HAPLN4: variants seen among roughly 807,000 people sequenced by gnomAD.
HAPLN4 encodes the protein hyaluronan and proteoglycan link protein 4.
In HAPLN4, 19 loss-of-function variants were observed where a neutral mutation model predicts 28.0. That is an observed-to-expected ratio of 0.68 (90% CI 0.47 to 1.00). The LOEUF is 1.00. Ranked by LOEUF, HAPLN4 falls within the 50% of genes least tolerant of loss-of-function variation. The pLI, the probability that HAPLN4 is intolerant of heterozygous loss-of-function variation, is 0.00. For synonymous variants in HAPLN4, 274 were observed against 273.0 expected (o/e 1.00, Z -0.03); for missense variants, 587 against 602.6 (o/e 0.97, Z 0.27).
Position 19,257,859 on chromosome 19 carries a change from CCCTGCCCAGCCGCCGCCG to C in HAPLN4, c.1149_1166del (p.Gly385_Gly390del). 1.4e-6 allele frequency: 2 copies of C among 1,432,492 alleles called. No homozygotes were observed. Among genetic ancestry groups the C allele is most frequent in the East Asian group, 2.7e-5 (1 of 36,368 alleles). The allele number at this position is 1,432,492 out of a possible 1,614,324, so 88.7% of individuals were successfully genotyped here. ...TCCAGGCAGCAGGATCGCGCGCGCC[CCCTGCCCAGCCGCCGCCG>C]CCCGCCCAGCCCCAGCCCCAGCCGC... On this transcript the variant is annotated inframe_deletion, in exon 5 of 5. Transcript: ENST00000291481.
rs1346910459 is a variant in HAPLN4, at chr19:19,258,432, T to C, written c.817+91A>G. 1.5e-6 allele frequency: 2 copies of C among 1,359,502 alleles called. No individual in the cohort carries two copies. The highest frequency in any genetic ancestry group is 1.9e-5 in the Admixed American group (1 of 52,852). The allele number at this position is 1,359,502 out of a possible 1,614,324, so 84.2% of individuals were successfully genotyped here. ...GCACTCTTGGGAGAGGGGTCTCCTG[T>C]TTCTGATCGCTAAGAGCTGGGTGGG... On this transcript the variant is annotated intron_variant, in intron 4 of 4. Coordinates refer to ENST00000291481, the MANE Select transcript of HAPLN4 (RefSeq NM_023002.3). The surrounding 1 kb of genome is among the most constrained non-coding windows in gnomAD (Gnocchi z 6.2).
In HAPLN4 at chr19:19,258,862, G is replaced by T. The variant is rs1485406759; in HGVS notation, c.485-7C>A. 1.3e-6 allele frequency: 2 copies of T among 1,527,900 alleles called. No individual in the cohort carries two copies. The highest frequency in any genetic ancestry group is 1.8e-6 in the Non-Finnish European group (2 of 1,136,690). 94.6% of individuals were successfully genotyped at this position (1,527,900 alleles called of 1,614,324 possible). On this transcript the variant is annotated splice_region_variant and splice_polypyrimidine_tract_variant and intron_variant, in intron 3 of 4. Coordinates refer to ENST00000291481, the MANE Select transcript of HAPLN4 (RefSeq NM_023002.3). The surrounding 1 kb of genome is among the most constrained non-coding windows in gnomAD (Gnocchi z 6.2). ...TGGTAGGGAAAGACCACGCCTGGCG[G>T]GGGGCGCACGGGATCAGCAGGTACA... is the stretch of plus-strand genomic sequence containing the variant.
At chr19:19,261,804 T>C (rs1568609596) in intron 1 of HAPLN4, 1 of 399,506 alleles carries the variant, frequency 2.5e-6, no homozygotes, top group South Asian at 4.7e-5. Context: ...CCCGCCTCAT[T>C]CCCCCCCACC....
In HAPLN4 at chr19:19,257,978, C is replaced by G. The variant is rs781390304; in HGVS notation, c.1048G>C (p.Gly350Arg). 246 of 1,513,534 alleles carry G rather than the reference C, an allele frequency of 1.6e-4. No individual in the cohort carries two copies. Among genetic ancestry groups the G allele is most frequent in the Non-Finnish European group, 1.7e-4 (194 of 1,138,252 alleles). The allele number at this position is 1,513,534 out of a possible 1,614,324, so 93.8% of individuals were successfully genotyped here. Residue 350 changes from glycine (G) to arginine (R), a missense_variant, in exon 5 of 5, where the codon GGC (glycine) becomes CGC (arginine). Physicochemically the swap from Gly to Arg is moderately radical, Grantham distance 125. Coordinates refer to ENST00000291481, the MANE Select transcript of HAPLN4 (RefSeq NM_023002.3). ...GGRRPGVRSL[G>R]FPDATRRLFG... Reference sequence around the variant, plus strand: ...AGCCGTCGGGTGGCGTCCGGGAAGCCGAGGCTGCGCACACCAGGCCTGCGG... The same window carrying G: ...AGCCGTCGGGTGGCGTCCGGGAAGCGGAGGCTGCGCACACCAGGCCTGCGG...
In HAPLN4 at chr19:19,254,791, C is replaced by G. The variant is rs977931992; in HGVS notation, c.*3026G>C. ...TTATTTTTATTTTTTGAGACAGGGT[C>G]TCACTCCGTCGCCCAAGCTGGAGTG... On this transcript the variant is annotated 3_prime_UTR_variant, in exon 5 of 5. Coordinates refer to ENST00000291481, the MANE Select transcript of HAPLN4 (RefSeq NM_023002.3). The G allele has an allele frequency of 2.6e-5, 4 of 152,382 alleles. No homozygotes were observed. Among genetic ancestry groups the G allele is most frequent in the Admixed American group, 1.3e-4 (2 of 15,288 alleles). The allele number at this position is 152,382 out of a possible 1,614,324, so 9.4% of individuals were successfully genotyped here.
In HAPLN4 at chr19:19,256,028, G is replaced by C. The variant is rs1193618629; in HGVS notation, c.*1789C>G. ...AGCACAGATCGCCGCTTAGAGCCTG[G>C]TGGGTGTTGAATTTTAAAGAACATT... On this transcript the variant is annotated 3_prime_UTR_variant, in exon 5 of 5. Transcript: ENST00000291481. The C allele has an allele frequency of 6.6e-6, 1 of 152,214 alleles. No homozygotes were observed. The highest frequency in any genetic ancestry group is 2.4e-5 in the African/African-American group (1 of 41,430). 9.4% of individuals were successfully genotyped at this position (152,214 alleles called of 1,614,324 possible).
At chr19:19,260,589 A>G (rs1359924450) in intron 3 of HAPLN4, among the ~76,000 whole-genome samples, 1 of 152,160 alleles carries the variant, frequency 6.6e-6, no homozygotes, top group African/African-American at 2.4e-5. Flanking sequence ...TCTACCCACT[A>G]GGGGCTAGTA....
In HAPLN4 at chr19:19,260,902, T is replaced by C. The variant is rs750021425; in HGVS notation, c.395A>G (p.Asn132Ser). 2.5e-6 allele frequency: 4 copies of C among 1,614,106 alleles called. No homozygotes were observed. The highest frequency in any genetic ancestry group is 3.4e-6 in the Non-Finnish European group (4 of 1,180,016). ...GCGCCCGTAGTCTTGCAGCGTGACG[T>C]TGCGGAGGACCAGGGAGGCATCCCC... ...GPGDASLVLR[N>S]VTLQDYGRYE... Residue 132 changes from asparagine to serine, a missense_variant, in exon 3 of 5, where the codon AAC becomes AGC. By Grantham distance (46) the Asn-to-Ser change is conservative. Transcript: ENST00000291481.
chr19:19,260,955 C>T lies in HAPLN4; in HGVS notation c.342G>A (p.Gly114=), dbSNP rs181498033. 2 of 1,613,826 alleles carry T rather than the reference C, an allele frequency of 1.2e-6. No homozygotes were observed. The highest frequency in any genetic ancestry group is 1.7e-5 in the Admixed American group (1 of 60,022). Reference sequence around the variant, plus strand: ...GCCCGTCGCCCTGCAGCTCAGCCCGCCCACGGTAGCTGCCGAATGCCCGGT... The same window carrying T: ...GCCCGTCGCCCTGCAGCTCAGCCCGTCCACGGTAGCTGCCGAATGCCCGGT... ...PQHRAFGSYR[G]RAELQGDGPG... is the part of the protein sequence containing the mutation. Residue 114 remains glycine (G), a synonymous_variant, in exon 3 of 5, where the codon GGG becomes GGA. Transcript: ENST00000291481.
Position 19,257,990 on chromosome 19 carries a change from C to G in HAPLN4, c.1036G>C (p.Val346Leu), listed in dbSNP as rs769898825. ...RARCGGRRPG[V>L]RSLGFPDATR... The stretch of plus-strand genomic sequence containing the variant: ...GCGTCCGGGAAGCCGAGGCTGCGCA[C>G]ACCAGGCCTGCGGCCTCCGCAGCGC... Residue 346 changes from valine to leucine, a missense_variant, in exon 5 of 5, where the codon GTG (valine) becomes CTG (leucine). By Grantham distance (32) the Val-to-Leu change is conservative. Transcript: ENST00000291481. 1.3e-6 allele frequency: 2 copies of G among 1,517,830 alleles called. No homozygotes were observed. 94.0% of individuals were successfully genotyped at this position (1,517,830 alleles called of 1,614,324 possible).
intron 1 of HAPLN4, 129 bp from the exon 2 acceptor site, chr19:19,261,692 G>A (rs1266424705): frequency 3.3e-6 from 2 of 600,254 alleles, no homozygotes; most frequent in African/African-American, 4.0e-5. Context: ...CCCTTTCCGG[G>A]GTCCTGGAGA....
intron 2 of HAPLN4, 112 bp downstream of exon 2, chr19:19,261,334 G>T: frequency 8.1e-7 from 1 of 1,238,218 alleles, no homozygotes; most frequent in Non-Finnish European, 1.2e-6. Context: ...GCTCAGATGG[G>T]GAGTGGCTGG....
At chr19:19,261,351 C>A in intron 2 of HAPLN4, 95 bp downstream of exon 2, 1 of 1,303,408 alleles carries the variant, frequency 7.7e-7, no homozygotes, top group Non-Finnish European at 1.1e-6. Context: ...CTGGGGGAAC[C>A]GCGGACGTCA....
rs1599833694 is a variant in HAPLN4, at chr19:19,261,479, G to A, written c.88C>T (p.Gln30Ter). 1 of 1,612,180 alleles carries A rather than the reference G, an allele frequency of 6.2e-7. No individual in the cohort carries two copies. The highest frequency in any genetic ancestry group is 8.5e-7 in the Non-Finnish European group (1 of 1,179,682). The change falls in exon 2 of 5, where the codon CAG (glutamine) becomes TAG (stop). Residue 30 changes from glutamine to a stop codon, truncating the protein, a stop_gained. Coordinates refer to ENST00000291481, the MANE Select transcript of HAPLN4 (RefSeq NM_023002.3). LOFTEE classifies it high-confidence loss of function. ...VLLLTAPAGA[Q>*]RGRKKVVHVL... ...TGCACGACCTTCTTCCGGCCACGCT[G>A]CGCCCCCGCAGGGGCTGTGAGCAGC... is the stretch of plus-strand genomic sequence containing the variant.
intron 1 of HAPLN4, 90 bp downstream of exon 1, chr19:19,262,640 C>CA: frequency 3.5e-6 from 5 of 1,430,724 alleles, no homozygotes; most frequent in Non-Finnish European, 4.9e-6. Context: ...AGAAGAAACT[C>CA]AGAGGGATAT....
At chr19:19,259,964 T>C (rs2060977861) in intron 3 of HAPLN4, among the ~76,000 whole-genome samples, 1 of 152,182 alleles carries the variant, frequency 6.6e-6, no homozygotes, top group Admixed American at 6.5e-5. Flanking sequence ...GAGGGACAAC[T>C]CTGGGACTCT....
intron 2 of HAPLN4, 37 bp downstream of exon 2, chr19:19,261,409 T>C (rs895261586): frequency 1.3e-6 from 2 of 1,566,796 alleles, no homozygotes; most frequent in Non-Finnish European, 1.8e-6. Context: ...ACTTCTGCTT[T>C]TCGCGGAGAA....
chr19:19,257,967 G>T lies in HAPLN4; in HGVS notation c.1059C>A (p.Asp353Glu). 6.6e-7 allele frequency: 1 copy of T among 1,513,616 alleles called. No homozygotes were observed. The highest frequency in any genetic ancestry group is 1.2e-5 in the South Asian group (1 of 81,588). The allele number at this position is 1,513,616 out of a possible 1,614,324, so 93.8% of individuals were successfully genotyped here. Residue 353 changes from aspartate (D) to glutamate (E), a missense_variant, in exon 5 of 5, where the codon GAC (aspartate) becomes GAA (glutamate). Coordinates refer to ENST00000291481, the MANE Select transcript of HAPLN4 (RefSeq NM_023002.3). Reference protein sequence around the residue: ...RPGVRSLGFPDATRRLFGVYC... With the variant: ...RPGVRSLGFPEATRRLFGVYC... ...AGACGCCGAAGAGCCGTCGGGTGGCGTCCGGGAAGCCGAGGCTGCGCACAC... is the reference window on the plus strand; with the variant it reads ...AGACGCCGAAGAGCCGTCGGGTGGCTTCCGGGAAGCCGAGGCTGCGCACAC...
At position 19,258,440 on chromosome 19, in the gene HAPLN4, C is replaced by G. The variant is rs2060973165; in HGVS notation, c.817+83G>C. ...GGGAGAGGGGTCTCCTGTTTCTGATCGCTAAGAGCTGGGTGGGGAAGAAGG... is the reference window on the plus strand; with the variant it reads ...GGGAGAGGGGTCTCCTGTTTCTGATGGCTAAGAGCTGGGTGGGGAAGAAGG... On this transcript the variant is annotated intron_variant, in intron 4 of 4. Coordinates refer to ENST00000291481, the MANE Select transcript of HAPLN4 (RefSeq NM_023002.3). The surrounding 1 kb of genome is among the most constrained non-coding windows in gnomAD (Gnocchi z 6.2). The G allele has an allele frequency of 3.6e-6, 5 of 1,400,666 alleles. No individual in the cohort carries two copies. Among genetic ancestry groups the G allele is most frequent in the Non-Finnish European group, 4.9e-6 (5 of 1,013,412 alleles). 86.8% of individuals were successfully genotyped at this position (1,400,666 alleles called of 1,614,324 possible).
Sources: gnomAD v4.1 joint callset for allele counts (sites outside exome capture counted in the v4.1 genomes callset) on GRCh38, gnomAD v4.1.1 for gene constraint, Gnocchi (gnomAD v3.1) non-coding constraint, MANE v1.5 for transcripts, NCBI Gene and HGNC (gene_info 2026-07-23, HGNC 2026-07-21) for gene names.